The following PCNX2 variants were observed in gnomAD, a reference collection of about 807,000 sequenced individuals.
PCNX2 encodes pecanex-like protein 2.
A neutral mutation model predicts 223.8 loss-of-function variants in PCNX2; 168 were observed. The observed-to-expected ratio is 0.75, with a 90% CI of 0.66 to 0.85. PCNX2 has a LOEUF of 0.85. Among genes scored for constraint, PCNX2 ranks in the 40% least tolerant of loss-of-function variants. The pLI, the probability that PCNX2 is intolerant of heterozygous loss-of-function variation, is 0.00. For missense variants in PCNX2, 2,507 were observed against 2,675.5 expected (o/e 0.94, Z 1.39); for synonymous variants, 1,006 against 1,052.6 (o/e 0.96, Z 0.86).
intron 10 of PCNX2, among the ~76,000 whole-genome samples, chr1:233,222,683 C>G (rs1021376179): frequency 2.6e-5 from 4 of 152,128 alleles, no homozygotes; most frequent in African/African-American, 7.2e-5. Flanking sequence ...GTGGAAGGAA[C>G]AGCGAAAATA....
chr1:233,009,331 G>C (rs114265289), intron 28 of PCNX2, among the ~76,000 whole-genome samples: 2,125 of 152,194 alleles, frequency 0.014, 26 homozygotes, highest in Non-Finnish European at 0.018. Context: ...CTTGGCTTCA[G>C]ATATAAACTA....
intron 23 of PCNX2, among the ~76,000 whole-genome samples, chr1:233,077,846 A>G (rs1673166229): frequency 6.6e-6 from 1 of 151,700 alleles, no homozygotes; most frequent in Admixed American, 6.5e-5. Context: ...GGGAGCATCT[A>G]TTTAGTTTAC....
At chr1:233,313,768 T>C in the PCNX2 span, among the ~76,000 whole-genome samples, 1 of 151,974 alleles carries the variant, frequency 6.6e-6, no homozygotes, top group Non-Finnish European at 1.5e-5. Context: ...ACAGTAAGGG[T>C]AATTAAATGA....
At chr1:233,071,089 T>C (rs1022098556) in intron 23 of PCNX2, among the ~76,000 whole-genome samples, 39 of 152,142 alleles carry the variant, frequency 2.6e-4, no homozygotes, top group African/African-American at 9.2e-4. Context: ...CTGTACTTAA[T>C]GGTGAAAAAT....
chr1:233,172,369 T>C, intron 17 of PCNX2: 1 of 985,452 alleles, frequency 1.0e-6, no homozygotes, highest in Non-Finnish European at 1.2e-6. Context: ...AATGTCTTCA[T>C]AAATTGAGGG....
At chr1:233,111,108 A>AT (rs1675088103) in intron 21 of PCNX2, among the ~76,000 whole-genome samples, 1 of 152,098 alleles carries the variant, frequency 6.6e-6, no homozygotes, top group Non-Finnish European at 1.5e-5. Flanking sequence ...TTGGCATATC[A>AT]TTTTTTATCA....
At chr1:233,032,167 A>G (rs1049165989) in intron 25 of PCNX2, 9 of 688,122 alleles carry the variant, frequency 1.3e-5, no homozygotes, top group African/African-American at 5.9e-5. Flanking sequence ...CAATGGCGCG[A>G]TCTTGGCTTA....
At chr1:232,999,058 C>T (rs768858383) in intron 31 of PCNX2, 47 bp downstream of exon 31, 14 of 1,544,624 alleles carry the variant, frequency 9.1e-6, no homozygotes, top group Non-Finnish European at 1.2e-5. Context: ...GCATCCCCCA[C>T]ACCTTCCCCC....
intron 1 of PCNX2, chr1:233,291,535 G>A (rs1170207269): frequency 2.8e-6 from 1 of 352,408 alleles, no homozygotes; most frequent in Non-Finnish European, 4.0e-6. Context: ...TTGAACCCGG[G>A]AGGTGGAGGT....
At chr1:233,143,394 C>T (rs1041721957) in intron 19 of PCNX2, among the ~76,000 whole-genome samples, 4 of 152,212 alleles carry the variant, frequency 2.6e-5, no homozygotes, top group Admixed American at 1.3e-4. Context: ...TGGAGCCAGA[C>T]ATTCTACATT....
Position 233,291,714 on chromosome 1 carries a change from C to T in PCNX2, c.153+3612G>A, listed in dbSNP as rs74147364. The T allele has an allele frequency of 3.6e-4, 356 of 985,028 alleles. 1 individual carries two copies. In the African/African-American group the frequency reaches 5.9e-3, roughly 16 times the overall value. The allele number at this position is 985,028 out of a possible 1,614,324, so 61.0% of individuals were successfully genotyped here. A position where few individuals can be genotyped will look rare whatever the true frequency, so the allele number is the denominator to read the frequency against. ...CCAGAATCATGCCCATATGCCCCTG[C>T]TGTAAAGAACACTCTGCTCTGAATC... On this transcript the variant is annotated intron_variant, in intron 1 of 33. Transcript: ENST00000258229.
intron 21 of PCNX2, among the ~76,000 whole-genome samples, chr1:233,121,888 T>C (rs941680432): frequency 1.3e-5 from 2 of 152,210 alleles, no homozygotes; most frequent in Non-Finnish European, 2.9e-5. Flanking sequence ...TTCCTTGCTC[T>C]TTCAGCTGAG....
At chr1:233,088,060 A>G (rs2102934990) in intron 23 of PCNX2, among the ~76,000 whole-genome samples, 1 of 152,224 alleles carries the variant, frequency 6.6e-6, no homozygotes, top group East Asian at 1.9e-4. Context: ...TAAACTGACA[A>G]TTCAGACCCA....
At chr1:233,153,814 T>C (rs987222485) in intron 19 of PCNX2, among the ~76,000 whole-genome samples, 2 of 152,188 alleles carry the variant, frequency 1.3e-5, no homozygotes, top group Non-Finnish European at 2.9e-5. Flanking sequence ...CTGCTTTTCA[T>C]TACAACTTGT....
chr1:233,226,001 CATTACT>C (rs2102943706), intron 10 of PCNX2, among the ~76,000 whole-genome samples: 1 of 152,228 alleles, frequency 6.6e-6, no homozygotes, highest in African/African-American at 2.4e-5. Flanking sequence ...CTATTTAAGA[CATTACT>C]ATAAAAACCA....
chr1:233,042,096 A>T (rs1005239910), intron 25 of PCNX2, among the ~76,000 whole-genome samples: 14 of 152,244 alleles, frequency 9.2e-5, no homozygotes, highest in Admixed American at 6.5e-4. Context: ...AATCAAAAAA[A>T]TTCAAAATCC....
chr1:233,286,227 C>T (rs1661437162), intron 1 of PCNX2, among the ~76,000 whole-genome samples: 1 of 152,034 alleles, frequency 6.6e-6, no homozygotes, highest in South Asian at 2.1e-4. Flanking sequence ...AGAAGAGAAG[C>T]GCTTCAGTGG....
chr1:233,319,436 T>C, the PCNX2 span, among the ~76,000 whole-genome samples: 1 of 152,204 alleles, frequency 6.6e-6, no homozygotes, highest in Non-Finnish European at 1.5e-5. Flanking sequence ...TCAAAGCAGG[T>C]GCAAGAGAGA....
chr1:233,289,467 T>C (rs920253269), intron 1 of PCNX2: 5 of 1,098,204 alleles, frequency 4.6e-6, no homozygotes, highest in Admixed American at 3.6e-5. Context: ...CTGGGAGAAC[T>C]TGCCGAGCGC....
Sources: allele counts gnomAD v4.1 joint callset (sites outside exome capture counted in the v4.1 genomes callset), GRCh38; gene constraint gnomAD v4.1.1; transcripts MANE v1.5; gene names NCBI Gene and HGNC (gene_info 2026-07-23, HGNC 2026-07-21).